Variants in ACOT13 observed in about 807,000 individuals in gnomAD.
The protein encoded by ACOT13 is acyl-CoA thioesterase 13, also known as acyl-coenzyme A thioesterase 13.
In ACOT13, 10 loss-of-function variants were observed where a neutral mutation model predicts 11.8. That is an observed-to-expected ratio of 0.85 (90% CI 0.53 to 1.44). The LOEUF (loss-of-function observed/expected upper bound fraction) is 1.44. Ranked by LOEUF, ACOT13 falls within the 40% of genes most tolerant of loss-of-function variation. ACOT13 has a pLI of 0.00. For synonymous variants in ACOT13, 53 were observed against 61.0 expected, an observed-to-expected ratio of 0.87 and a Z score of 0.61; for missense variants, 172 against 174.1, an observed-to-expected ratio of 0.99 and a Z score of 0.07.
At chr6:24,686,697 C>G (rs1318924463) in intron 1 of ACOT13, among the ~76,000 whole-genome samples, 1 of 144,564 alleles carries the variant, frequency 6.9e-6, no homozygotes, top group African/African-American at 2.6e-5. Flanking sequence ...TTCTCTTCTT[C>G]TTTTCTTTTC....
chr6:24,681,533 T>A (rs1300541255), intron 1 of ACOT13, among the ~76,000 whole-genome samples: 1 of 150,006 alleles, frequency 6.7e-6, no homozygotes, highest in African/African-American at 2.5e-5. Flanking sequence ...TCTTTTTCTC[T>A]TTGACTCTGT....
At chr6:24,693,512 G>C (rs181402669) in intron 1 of ACOT13, among the ~76,000 whole-genome samples, 89 of 152,278 alleles carry the variant, frequency 5.8e-4, no homozygotes, top group Non-Finnish European at 1.2e-3. Context: ...AGATGCCAAG[G>C]CTTAAAGAGA....
At chr6:24,700,915 A>AC in intron 2 of ACOT13, 1 of 151,202 alleles carries the variant, frequency 6.6e-6, no homozygotes, top group Non-Finnish European at 1.5e-5. Flanking sequence ...CATCTCCCCA[A>AC]TTTTTTTTTT....
Position 24,703,219 on chromosome 6 carries a change from A to G in ACOT13, c.*1604A>G, listed in dbSNP as rs1327630455. On this transcript the variant is annotated 3_prime_UTR_variant, in exon 3 of 3. Coordinates refer to ENST00000230048, the MANE Select transcript of ACOT13 (RefSeq NM_018473.4). ...GTCAGGGAATCTTAATGAACATTTC[A>G]TGACTAAAGACTAAAAAGGATGCAG... The G allele has an allele frequency of 6.6e-6, 1 of 152,236 alleles. No individual in the cohort carries two copies. Among genetic ancestry groups the G allele is most frequent in the Non-Finnish European group, 1.5e-5 (1 of 68,040 alleles). The allele number at this position is 152,236 out of a possible 1,614,324, so 9.4% of individuals were successfully genotyped here. A position where few individuals can be genotyped will look rare whatever the true frequency, so the allele number is the denominator to read the frequency against.
At chr6:24,684,717 A>AAGGTATTGTTTATCATGTAATCAATGT (rs1778603078) in intron 1 of ACOT13, among the ~76,000 whole-genome samples, 1 of 151,424 alleles carries the variant, frequency 6.6e-6, no homozygotes, top group African/African-American at 2.4e-5. Flanking sequence ...GTAACAGTAT[A>AAGGTATTGTTTATCATGTAATCAATGT]TAAAAAGTGT....
intron 1 of ACOT13, among the ~76,000 whole-genome samples, chr6:24,674,296 T>C (rs1356373281): frequency 6.6e-6 from 1 of 152,232 alleles, no homozygotes; most frequent in African/African-American, 2.4e-5. Context: ...CTTCAAGTGA[T>C]CTGCATGCCA....
intron 1 of ACOT13, among the ~76,000 whole-genome samples, chr6:24,671,376 A>G (rs1778362050): frequency 6.7e-6 from 1 of 148,518 alleles, no homozygotes; most frequent in Non-Finnish European, 1.5e-5. Flanking sequence ...AAAACCAAAT[A>G]CCGCATGTTC....
intron 1 of ACOT13, among the ~76,000 whole-genome samples, chr6:24,674,382 T>G (rs1285931457): frequency 6.7e-6 from 1 of 150,082 alleles, no homozygotes; most frequent in Non-Finnish European, 1.5e-5. Flanking sequence ...TAGACAAAAC[T>G]TGTTCACCGT....
At chr6:24,679,792 C>G (rs1357386183) in intron 1 of ACOT13, among the ~76,000 whole-genome samples, 1 of 152,208 alleles carries the variant, frequency 6.6e-6, no homozygotes, top group African/African-American at 2.4e-5. Flanking sequence ...AACATTATAT[C>G]TCTCCACATC....
intron 1 of ACOT13, among the ~76,000 whole-genome samples, chr6:24,682,159 A>C (rs1206240024): frequency 6.6e-6 from 1 of 152,242 alleles, no homozygotes; most frequent in Non-Finnish European, 1.5e-5. Context: ...TCCGGCGGCC[A>C]CGCTAATCGT....
At chr6:24,700,963 A>G (rs1429091549) in intron 2 of ACOT13, 2 of 152,102 alleles carry the variant, frequency 1.3e-5, no homozygotes, top group African/African-American at 4.8e-5. Flanking sequence ...ACAACTTATG[A>G]TTACAAGTGA....
rs559241245 is a variant in ACOT13 at position 24,703,687 on chromosome 6, G to A, written c.*2072G>A. 6.6e-6 allele frequency: 1 copy of A among 152,318 alleles called. No individual in the cohort carries two copies. Among genetic ancestry groups the A allele is most frequent in the South Asian group, 2.1e-4 (1 of 4,828 alleles). The allele number at this position is 152,318 out of a possible 1,614,324, so 9.4% of individuals were successfully genotyped here. A position where few individuals can be genotyped will look rare whatever the true frequency, so the allele number is the denominator to read the frequency against. On this transcript the variant is annotated 3_prime_UTR_variant, in exon 3 of 3. Coordinates refer to ENST00000230048, the MANE Select transcript of ACOT13 (RefSeq NM_018473.4). ...TAGTTAAAGACTGGTTTGGGTTTTA[G>A]TCTGGAAAGAATCGCCAAGGGAGCT... is the stretch of plus-strand genomic sequence containing the variant.
chr6:24,699,208 CTTT>C (rs1248890393), intron 2 of ACOT13, among the ~76,000 whole-genome samples: 3 of 127,100 alleles, frequency 2.4e-5, no homozygotes, highest in Admixed American at 8.0e-5. Flanking sequence ...ATAATGTAGG[CTTT>C]TTTTTTTTTT....
chr6:24,691,738 A>G (rs1047564369), intron 1 of ACOT13, among the ~76,000 whole-genome samples: 1 of 152,106 alleles, frequency 6.6e-6, no homozygotes. Flanking sequence ...TGTGCTTTCC[A>G]TTGTTTGAGG....
In ACOT13 at chr6:24,704,596, T is replaced by C. The variant is rs1778961442; in HGVS notation, c.*2981T>C. 6.6e-6 allele frequency: 1 copy of C among 152,216 alleles called. No individual in the cohort carries two copies. Among genetic ancestry groups the C allele is most frequent in the African/African-American group, 2.4e-5 (1 of 41,462 alleles). The allele number at this position is 152,216 out of a possible 1,614,324, so 9.4% of individuals were successfully genotyped here. A position where few individuals can be genotyped will look rare whatever the true frequency, so the allele number is the denominator to read the frequency against. On this transcript the variant is annotated 3_prime_UTR_variant, in exon 3 of 3. Transcript: ENST00000230048. ...TAAACATTCAAAATGTTATTTCAAA[T>C]AGATTCTAATTTTTAAATAAGAGGA...
At position 24,704,230 on chromosome 6, in the gene ACOT13, G is replaced by A. The variant is rs1250536944; in HGVS notation, c.*2615G>A. 1 of 150,496 alleles carries A rather than the reference G, an allele frequency of 6.6e-6. No homozygotes were observed. The highest frequency in any genetic ancestry group is 1.5e-5 in the Non-Finnish European group (1 of 68,024). The allele number at this position is 150,496 out of a possible 1,614,324, so 9.3% of individuals were successfully genotyped here. A position where few individuals can be genotyped will look rare whatever the true frequency, so the allele number is the denominator to read the frequency against. On this transcript the variant is annotated 3_prime_UTR_variant, in exon 3 of 3. Coordinates refer to ENST00000230048, the MANE Select transcript of ACOT13 (RefSeq NM_018473.4). Reference sequence around the variant, plus strand: ...ACTCAAATAGCTCACAGGTATAAGTGTACAGAGAAAATGAAAAAAATGTGG... The same window carrying A: ...ACTCAAATAGCTCACAGGTATAAGTATACAGAGAAAATGAAAAAAATGTGG...
intron 2 of ACOT13, among the ~76,000 whole-genome samples, chr6:24,699,631 GCT>G (rs1472277157): frequency 2.6e-5 from 4 of 152,332 alleles, no homozygotes; most frequent in African/African-American, 9.6e-5. Flanking sequence ...GCAGCCAAAT[GCT>G]CTTTTTGAAA....
chr6:24,669,242 G>A (rs970286107), intron 1 of ACOT13, among the ~76,000 whole-genome samples: 4 of 152,198 alleles, frequency 2.6e-5, no homozygotes, highest in South Asian at 2.1e-4. Context: ...GCGTTTTAGG[G>A]ACATATAAGA....
At position 24,667,335 on chromosome 6, in the gene ACOT13, T is replaced by C. The variant is rs576550237; in HGVS notation, c.72T>C (p.Val24=). ...CCAAGGCTCGCAATTTTGAGAGAGT[T>C]TTGGGAAAGGTATGGGAAAGGTAGG... ...AMTKARNFER[V]LGKITLVSAA... The change falls in exon 1 of 3, where the codon GTT becomes GTC. Residue 24 remains valine (V), a synonymous_variant. Transcript: ENST00000230048. 8.7e-6 allele frequency: 14 copies of C among 1,614,048 alleles called. No homozygotes were observed. The highest frequency in any genetic ancestry group is 5.1e-6 in the Non-Finnish European group (6 of 1,179,978).
Sources: gnomAD v4.1 joint callset for allele counts (sites outside exome capture counted in the v4.1 genomes callset) on GRCh38, gnomAD v4.1.1 for gene constraint, MANE v1.5 for transcripts, NCBI Gene and HGNC (gene_info 2026-07-23, HGNC 2026-07-21) for gene names.